PLEKHF2: variants seen among roughly 807,000 people sequenced by gnomAD.
The protein encoded by PLEKHF2 is pleckstrin homology and FYVE domain containing 2.
Under a neutral mutation model 14.7 loss-of-function variants are expected in PLEKHF2, and 4 were observed. The observed-to-expected ratio is 0.27, with a 90% CI of 0.13 to 0.62. PLEKHF2 has a LOEUF of 0.62. PLEKHF2 is among the 20% of genes least tolerant of loss of function. The pLI is 0.85. For missense variants in PLEKHF2, 201 were observed against 307.7 expected, an observed-to-expected ratio of 0.65 and a Z score of 2.60; for synonymous variants, 90 against 103.5, an observed-to-expected ratio of 0.87 and a Z score of 0.79.
chr8:95,142,254 A>G (rs974290159), intron 1 of PLEKHF2, among the ~76,000 whole-genome samples: 1 of 151,830 alleles, frequency 6.6e-6, no homozygotes, highest in African/African-American at 2.4e-5. Flanking sequence ...ATATTATTTA[A>G]TTAATTAATT....
At chr8:95,153,993 AT>A in intron 1 of PLEKHF2, 37 bp from the exon 2 acceptor site, 2 of 1,394,916 alleles carry the variant, frequency 1.4e-6, no homozygotes, top group Non-Finnish European at 1.9e-6. Flanking sequence ...GGAATTTATA[AT>A]TTATATGTGC....
At chr8:95,148,481 C>T (rs1358656352) in intron 1 of PLEKHF2, among the ~76,000 whole-genome samples, 8 of 151,978 alleles carry the variant, frequency 5.3e-5, no homozygotes, top group South Asian at 4.1e-4. Context: ...ATACAAGGTA[C>T]TGACATAAGA....
chr8:95,154,789 G>T lies in PLEKHF2; in HGVS notation c.745G>T (p.Asp249Tyr). The change falls in exon 2 of 2, where the codon GAC becomes TAC. Residue 249 changes from aspartate (D) to tyrosine (Y), a missense_variant. Physicochemically the swap from Asp to Tyr is radical, Grantham distance 160 (BLOSUM62 -3). Coordinates refer to ENST00000315367, the MANE Select transcript of PLEKHF2 (RefSeq NM_024613.4). This position sits in a 1 kb window ranked among gnomAD's most constrained non-coding sequence, Gnocchi z 5.6. ...TGATGATGACGATGATGATAGCAGT[G>T]ACTAAGGACACATTTGGGAGTATTT... ...SDDDDDDDSS[D>Y] 6.2e-7 allele frequency: 1 copy of T among 1,613,130 alleles called. No homozygotes were observed. Among genetic ancestry groups the T allele is most frequent in the South Asian group, 1.1e-5 (1 of 91,066 alleles).
At chr8:95,136,373 C>T (rs12676962) in intron 1 of PLEKHF2, among the ~76,000 whole-genome samples, 29,734 of 145,132 alleles carry the variant, frequency 0.2, 3,748 homozygotes, top group African/African-American at 0.36. Context: ...CACACACACA[C>T]ATGTTTTGTT....
At chr8:95,139,422 G>T (rs925303470) in intron 1 of PLEKHF2, among the ~76,000 whole-genome samples, 1 of 152,138 alleles carries the variant, frequency 6.6e-6, no homozygotes, top group Non-Finnish European at 1.5e-5. Context: ...TGGGAGGATC[G>T]CTTGAGACTG....
rs1417797615 is a variant in PLEKHF2 at position 95,156,654 on chromosome 8, T to C, written c.*1860T>C. ...TTACATTGTCAACCTTTATTGACTT[T>C]GTTTTTACAATAAAAAATATTTTAC... On this transcript the variant is annotated 3_prime_UTR_variant, in exon 2 of 2. Transcript: ENST00000315367. 3.6e-5 allele frequency: 6 copies of C among 167,084 alleles called. No homozygotes were observed. In the Admixed American group the frequency reaches 3.9e-4, roughly 11 times the overall value. 10.4% of individuals were successfully genotyped at this position (167,084 alleles called of 1,614,324 possible). A position where few individuals can be genotyped will look rare whatever the true frequency, so the allele number is the denominator to read the frequency against.
Position 95,154,303 on chromosome 8 carries a change from A to G in PLEKHF2, c.259A>G (p.Ile87Val), listed in dbSNP as rs1216681717. ...QHIIPLENVTIDSIKDEGDLR... is the reference protein window; with the variant it reads ...QHIIPLENVTVDSIKDEGDLR... The stretch of plus-strand genomic sequence containing the variant: ...TATTATTCCCCTGGAAAATGTCACT[A>G]TTGATTCCATCAAAGATGAGGGAGA... The change falls in exon 2 of 2, where the codon ATT (isoleucine) becomes GTT (valine). Residue 87 changes from isoleucine to valine, a missense_variant. Physicochemically the swap from Ile to Val is conservative, Grantham distance 29. Coordinates refer to ENST00000315367, the MANE Select transcript of PLEKHF2 (RefSeq NM_024613.4). This position sits in a 1 kb window ranked among gnomAD's most constrained non-coding sequence, Gnocchi z 5.6. 11 of 1,614,110 alleles carry G rather than the reference A, an allele frequency of 6.8e-6. No homozygotes were observed. Among genetic ancestry groups the G allele is most frequent in the Non-Finnish European group, 8.5e-6 (10 of 1,179,966 alleles).
intron 1 of PLEKHF2, among the ~76,000 whole-genome samples, chr8:95,150,882 T>C (rs558464652): frequency 5.0e-4 from 76 of 152,134 alleles, no homozygotes; most frequent in Non-Finnish European, 8.4e-4. Flanking sequence ...ATTTGAGGCT[T>C]GTTCTGCTGT....
chr8:95,141,432 G>A (rs1211781543), intron 1 of PLEKHF2, among the ~76,000 whole-genome samples: 4 of 152,136 alleles, frequency 2.6e-5, no homozygotes, highest in Non-Finnish European at 1.5e-5. Context: ...AGTTTCAGAA[G>A]GAAGTCTTAG....
Position 95,154,590 on chromosome 8 carries a change from C to G in PLEKHF2, c.546C>G (p.Val182=), listed in dbSNP as rs756082223. ...RHHCRKCGFV[V]CGPCSEKRFL... ...ATTGCCGCAAATGTGGTTTTGTTGTCTGTGGGCCCTGCTCTGAAAAGAGAT... is the reference window on the plus strand; with the variant it reads ...ATTGCCGCAAATGTGGTTTTGTTGTGTGTGGGCCCTGCTCTGAAAAGAGAT... The change falls in exon 2 of 2, where the codon GTC becomes GTG. Residue 182 remains valine (V), a synonymous_variant. Transcript: ENST00000315367. This position sits in a 1 kb window ranked among gnomAD's most constrained non-coding sequence, Gnocchi z 5.6. 3 of 1,614,090 alleles carry G rather than the reference C, an allele frequency of 1.9e-6. No homozygotes were observed. The highest frequency in any genetic ancestry group is 1.7e-6 in the Non-Finnish European group (2 of 1,179,996).
intron 1 of PLEKHF2, among the ~76,000 whole-genome samples, chr8:95,149,093 T>C (rs1810531770): frequency 6.6e-6 from 1 of 152,130 alleles, no homozygotes; most frequent in African/African-American, 2.4e-5. Flanking sequence ...ATATAGTCTT[T>C]AAAATGCAAG....
chr8:95,154,742 C>G lies in PLEKHF2; in HGVS notation c.698C>G (p.Ser233Cys). The G allele has an allele frequency of 6.2e-7, 1 of 1,614,102 alleles. No homozygotes were observed. Among genetic ancestry groups the G allele is most frequent in the Non-Finnish European group, 8.5e-7 (1 of 1,179,972 alleles). The change falls in exon 2 of 2, where the codon TCT (serine) becomes TGT (cysteine). Residue 233 changes from serine (S) to cysteine (C), a missense_variant. By Grantham distance (112) the Ser-to-Cys change is moderately radical. Coordinates refer to ENST00000315367, the MANE Select transcript of PLEKHF2 (RefSeq NM_024613.4). This position sits in a 1 kb window ranked among gnomAD's most constrained non-coding sequence, Gnocchi z 5.6. ...GACTCTTACAGCCAGTCATTGAAGT[C>G]TCCTTTAAATGATATGTCTGATGAT... ...RSDSYSQSLK[S>C]PLNDMSDDDD... is the part of the protein sequence containing the mutation.
intron 1 of PLEKHF2, among the ~76,000 whole-genome samples, chr8:95,143,168 C>G (rs971485615): frequency 1.3e-5 from 2 of 149,876 alleles, no homozygotes; most frequent in East Asian, 3.9e-4. Context: ...GGCACTATCT[C>G]GGCTCACTGC....
At chr8:95,146,192 A>C (rs1315057313) in intron 1 of PLEKHF2, among the ~76,000 whole-genome samples, 1 of 151,522 alleles carries the variant, frequency 6.6e-6, no homozygotes. Flanking sequence ...AAGGGCTTTA[A>C]AAATTATTTA....
At chr8:95,144,358 T>C (rs1810469407) in intron 1 of PLEKHF2, among the ~76,000 whole-genome samples, 1 of 152,242 alleles carries the variant, frequency 6.6e-6, no homozygotes, top group Non-Finnish European at 1.5e-5. Context: ...CTGCCTTTAC[T>C]AGTACCCTAA....
rs1810618142 is a variant in PLEKHF2 at position 95,156,255 on chromosome 8, TACCGCAA to T, written c.*1463_*1469del. 1 of 167,080 alleles carries T rather than the reference TACCGCAA, an allele frequency of 6.0e-6. No homozygotes were observed. Among genetic ancestry groups the T allele is most frequent in the African/African-American group, 2.4e-5 (1 of 41,452 alleles). 10.3% of individuals were successfully genotyped at this position (167,080 alleles called of 1,614,324 possible). On this transcript the variant is annotated 3_prime_UTR_variant, in exon 2 of 2. Coordinates refer to ENST00000315367, the MANE Select transcript of PLEKHF2 (RefSeq NM_024613.4). ...TTTAAAAAATCTTCAAATCTGAATA[TACCGCAA>T]ATGTCATGAGAAGTTTGATTCAGTA...
intron 1 of PLEKHF2, among the ~76,000 whole-genome samples, chr8:95,135,968 A>T (rs1810370067): frequency 6.6e-6 from 1 of 151,956 alleles, no homozygotes; most frequent in Non-Finnish European, 1.5e-5. Flanking sequence ...TTAAGCCTAT[A>T]CTCTTTGAAG....
intron 1 of PLEKHF2, among the ~76,000 whole-genome samples, chr8:95,138,855 T>C (rs561397509): frequency 9.2e-5 from 14 of 152,246 alleles, no homozygotes; most frequent in Non-Finnish European, 1.6e-4. Context: ...TTCTATATTA[T>C]AGACAAAGCT....
intron 1 of PLEKHF2, among the ~76,000 whole-genome samples, chr8:95,135,614 G>T (rs1453514077): frequency 6.6e-6 from 1 of 152,158 alleles, no homozygotes; most frequent in African/African-American, 2.4e-5. Context: ...TGTTGCTCAG[G>T]CTGTATTGCC....
Sources: allele counts gnomAD v4.1 joint callset (sites outside exome capture counted in the v4.1 genomes callset), GRCh38; gene constraint gnomAD v4.1.1; non-coding constraint Gnocchi (gnomAD v3.1); transcripts MANE v1.5; gene names NCBI Gene and HGNC (gene_info 2026-07-23, HGNC 2026-07-21).